Variants in BMP5 observed in about 807,000 individuals in gnomAD.
BMP5 encodes bone morphogenetic protein 5.
Under a neutral mutation model 46.6 loss-of-function variants are expected in BMP5, and 23 were observed. The ratio of observed to expected loss-of-function variants is 0.49; its 90% CI spans 0.35 to 0.70. The LOEUF (loss-of-function observed/expected upper bound fraction) is 0.70. Ranked by LOEUF, BMP5 falls within the 30% of genes least tolerant of loss-of-function variation. The pLI is 0.00. For synonymous variants in BMP5, 204 were observed against 191.9 expected (o/e 1.06, Z -0.52); for missense variants, 545 against 565.6 (o/e 0.96, Z 0.37).
chr6:55,830,070 C>T (rs2127541919), intron 1 of BMP5, among the ~76,000 whole-genome samples: 1 of 151,944 alleles, frequency 6.6e-6, no homozygotes, highest in East Asian at 1.9e-4. Flanking sequence ...TAAACTTTAC[C>T]AGTCTTTACA....
Position 55,763,883 on chromosome 6 carries a change from C to A in BMP5, c.1028-3350G>T, listed in dbSNP as rs115013535. Reference sequence around the variant, plus strand: ...TTTCTAGATATTGTATAAATTTAATCTTTAGTTCGATTTTCTTTAGTTTGA... The same window carrying A: ...TTTCTAGATATTGTATAAATTTAATATTTAGTTCGATTTTCTTTAGTTTGA... On this transcript the variant is annotated intron_variant, in intron 4 of 6. Transcript: ENST00000370830. 7.1e-3 allele frequency among the ~76,000 whole-genome samples: 1,077 copies of A among 152,136 alleles called. 14 individuals are homozygous for A. Among genetic ancestry groups the A allele is most frequent in the African/African-American group, 0.024 (993 of 41,520 alleles).
intron 2 of BMP5, among the ~76,000 whole-genome samples, chr6:55,798,281 G>A (rs140575113): frequency 3.3e-5 from 5 of 152,090 alleles, no homozygotes; most frequent in Admixed American, 6.6e-5. Context: ...CTTCAACATC[G>A]GGGGAGAGGG....
intron 2 of BMP5, among the ~76,000 whole-genome samples, chr6:55,815,047 C>T (rs183009799): frequency 9.5e-4 from 142 of 149,360 alleles, no homozygotes; most frequent in Admixed American, 3.3e-3. Flanking sequence ...GCAGGAGTAT[C>T]GCTTGAAACC....
At chr6:55,770,620 A>AGG (rs1186404630) in intron 4 of BMP5, among the ~76,000 whole-genome samples, 10 of 151,976 alleles carry the variant, frequency 6.6e-5, no homozygotes, top group Non-Finnish European at 1.2e-4. Context: ...CAACTTGACA[A>AGG]CTGTTTGTTT....
chr6:55,871,335 A>G (rs1777783645), intron 1 of BMP5, among the ~76,000 whole-genome samples: 1 of 151,954 alleles, frequency 6.6e-6, no homozygotes, highest in Non-Finnish European at 1.5e-5. Flanking sequence ...AAAGAATTCA[A>G]TCTGTAAAAT....
intron 1 of BMP5, among the ~76,000 whole-genome samples, chr6:55,823,568 T>C (rs1776460235): frequency 6.6e-6 from 1 of 152,054 alleles, no homozygotes; most frequent in Admixed American, 6.6e-5. Context: ...AATCGAAAGA[T>C]AACAGATTTC....
intron 6 of BMP5, among the ~76,000 whole-genome samples, chr6:55,757,593 T>C (rs781662800): frequency 8.6e-5 from 13 of 151,898 alleles, no homozygotes; most frequent in Non-Finnish European, 1.8e-4. Context: ...CACTATTCCA[T>C]ATAAAGAAGA....
intron 1 of BMP5, among the ~76,000 whole-genome samples, chr6:55,842,547 C>T (rs1180311679): frequency 6.6e-6 from 1 of 152,050 alleles, no homozygotes; most frequent in African/African-American, 2.4e-5. Flanking sequence ...TTCGAACTGC[C>T]TCAGGAACCC....
intron 3 of BMP5, among the ~76,000 whole-genome samples, chr6:55,793,399 TTG>T (rs1396564486): frequency 6.6e-6 from 1 of 152,212 alleles, no homozygotes; most frequent in Non-Finnish European, 1.5e-5. Flanking sequence ...ACTAATACTA[TTG>T]TGTTATTACT....
chr6:55,792,951 T>A (rs1480135031), intron 3 of BMP5, among the ~76,000 whole-genome samples: 2 of 152,172 alleles, frequency 1.3e-5, no homozygotes, highest in Admixed American at 6.5e-5. Context: ...ATCCTCCCTG[T>A]CCCTGGTGAT....
rs574938489 is a variant in BMP5 at position 55,809,779 on chromosome 6, T to C, written c.683+9876A>G. On this transcript the variant is annotated intron_variant, in intron 2 of 6. Coordinates refer to ENST00000370830, the MANE Select transcript of BMP5 (RefSeq NM_021073.4). ...ACTTAAACCTGGTCCAGAAAAGCTTTAAGAAATTATCTAGAAGCTACACAG... is the reference window on the plus strand; with the variant it reads ...ACTTAAACCTGGTCCAGAAAAGCTTCAAGAAATTATCTAGAAGCTACACAG... 2.6e-4 allele frequency among the ~76,000 whole-genome samples: 39 copies of C among 152,198 alleles called. 1 individual carries two copies. In the South Asian group the frequency reaches 7.5e-3, roughly 29 times the overall value.
intron 1 of BMP5, among the ~76,000 whole-genome samples, chr6:55,820,563 A>G (rs1330531164): frequency 3.3e-5 from 5 of 151,974 alleles, no homozygotes; most frequent in Non-Finnish European, 5.9e-5. Flanking sequence ...GACTACAGGC[A>G]TGCACCACCA....
At chr6:55,761,744 T>A (rs1774787344) in intron 4 of BMP5, among the ~76,000 whole-genome samples, 1 of 152,118 alleles carries the variant, frequency 6.6e-6, no homozygotes, top group Admixed American at 6.6e-5. Context: ...CTGATTTTTT[T>A]CCATCTCAAT....
chr6:55,857,184 A>G (rs1005991443), intron 1 of BMP5, among the ~76,000 whole-genome samples: 2 of 152,146 alleles, frequency 1.3e-5, no homozygotes, highest in East Asian at 1.9e-4. Flanking sequence ...CGATCACTCA[A>G]CTGCTTCTTC....
intron 3 of BMP5, among the ~76,000 whole-genome samples, chr6:55,788,102 T>C (rs576558168): frequency 6.6e-6 from 1 of 151,764 alleles, no homozygotes; most frequent in East Asian, 1.9e-4. Context: ...GTTTAACGCT[T>C]ACTAATAGGT....
Position 55,755,530 on chromosome 6 carries a change from A to G in BMP5, c.*3T>C. ...TTTTTGTTATTATCAATATTATTTA[A>G]TATTAGTGGCAGCCACATGAGCGTA... On this transcript the variant is annotated 3_prime_UTR_variant, in exon 7 of 7. Coordinates refer to ENST00000370830, the MANE Select transcript of BMP5 (RefSeq NM_021073.4). 6.2e-7 allele frequency: 1 copy of G among 1,606,654 alleles called. No homozygotes were observed. The highest frequency in any genetic ancestry group is 8.5e-7 in the Non-Finnish European group (1 of 1,174,154).
intron 4 of BMP5, among the ~76,000 whole-genome samples, chr6:55,771,894 T>A (rs543051408): frequency 1.4e-4 from 22 of 152,038 alleles, no homozygotes; most frequent in Admixed American, 2.6e-4. Context: ...GGATAATTTT[T>A]AAATTTCACT....
chr6:55,847,364 A>G (rs1562068221), intron 1 of BMP5, among the ~76,000 whole-genome samples: 1 of 151,918 alleles, frequency 6.6e-6, no homozygotes. Flanking sequence ...CTTGTATGCA[A>G]TGTGTCCTAC....
At chr6:55,852,267 T>C (rs905008074) in intron 1 of BMP5, among the ~76,000 whole-genome samples, 2 of 152,086 alleles carry the variant, frequency 1.3e-5, no homozygotes, top group Non-Finnish European at 2.9e-5. Flanking sequence ...GATTTTTATT[T>C]TAAGATGAGT....
Sources: allele counts gnomAD v4.1 joint callset (sites outside exome capture counted in the v4.1 genomes callset), GRCh38; gene constraint gnomAD v4.1.1; transcripts MANE v1.5; gene names NCBI Gene and HGNC (gene_info 2026-07-23, HGNC 2026-07-21).